ASAP1: variants seen among roughly 807,000 people sequenced by gnomAD.
ASAP1 encodes ArfGAP with SH3 domain, ankyrin repeat and PH domain 1, also known as arf-GAP with SH3 domain, ANK repeat and PH domain-containing protein 1.
ASAP1 carries 43 observed loss-of-function variants against 145.2 expected under a neutral mutation model. The observed-to-expected ratio is 0.30, with a 90% confidence interval of 0.23 to 0.38. ASAP1 has a LOEUF of 0.38. ASAP1 is among the 10% of genes least tolerant of loss of function. ASAP1 has a pLI of 1.00. For missense variants in ASAP1, 1,018 were observed against 1,355.3 expected, an observed-to-expected ratio of 0.75 and a Z score of 3.91; for synonymous variants, 546 against 515.5, an observed-to-expected ratio of 1.06 and a Z score of -0.80.
chr8:130,326,087 C>CAG (rs1824307996), intron 3 of ASAP1, among the ~76,000 whole-genome samples: 1 of 152,176 alleles, frequency 6.6e-6, no homozygotes, highest in African/African-American at 2.4e-5. Context: ...TCCTTAACCA[C>CAG]CGTCTATAGT....
intron 2 of ASAP1, among the ~76,000 whole-genome samples, chr8:130,396,316 C>A (rs1828527633): frequency 6.6e-6 from 1 of 152,142 alleles, no homozygotes; most frequent in Non-Finnish European, 1.5e-5. Flanking sequence ...TGTATTTCCC[C>A]AGGTTTGAGT....
chr8:130,107,694 C>T (rs750015054), intron 24 of ASAP1, among the ~76,000 whole-genome samples: 5 of 151,912 alleles, frequency 3.3e-5, no homozygotes, highest in East Asian at 1.9e-4. Context: ...ATTACAGGCA[C>T]GGGCCACCAA....
rs199774290 is a variant in ASAP1, at chr8:130,140,890, T to C, written c.1081-3852A>G. Among the ~76,000 whole-genome samples, 3 of 152,338 alleles carry C rather than the reference T, an allele frequency of 2.0e-5. No homozygotes were observed. In the East Asian group the frequency reaches 5.8e-4, roughly 29 times the overall value. ...CCACGAATACCAGAGGGGAGTGGTA[T>C]GTTCCACAGAAGTCCAAAAACCAAG... On this transcript the variant is annotated intron_variant, in intron 13 of 29. Transcript: ENST00000518721.
chr8:130,434,153 T>TA lies in ASAP1; in HGVS notation c.-28+9306dup. Among the ~76,000 whole-genome samples the TA allele has an allele frequency of 2.0e-5, 3 of 152,212 alleles. 1 individual carries two copies. The East Asian group carries it at 5.8e-4, about 29-fold the overall frequency. ...CAACACAGCAAAACCCCATCTCTAC[T>TA]AAAAATACAAAAATTAACTGTGCCT... On this transcript the variant is annotated intron_variant, in intron 1 of 29. Coordinates refer to ENST00000518721, the MANE Select transcript of ASAP1 (RefSeq NM_018482.4).
chr8:130,179,396 C>T, intron 8 of ASAP1, 47 bp from the exon 9 acceptor site: 2 of 1,223,656 alleles, frequency 1.6e-6, no homozygotes, highest in Non-Finnish European at 2.4e-6. Flanking sequence ...CCAGATGGGG[C>T]TCTTCAGCCA....
chr8:130,303,589 A>G (rs1035059682), intron 3 of ASAP1, among the ~76,000 whole-genome samples: 1 of 152,180 alleles, frequency 6.6e-6, no homozygotes, highest in African/African-American at 2.4e-5. Flanking sequence ...ATTATATAAA[A>G]AGAAATGACC....
At chr8:130,391,137 G>C (rs1828266128) in intron 2 of ASAP1, among the ~76,000 whole-genome samples, 1 of 151,482 alleles carries the variant, frequency 6.6e-6, no homozygotes, top group Admixed American at 6.6e-5. Context: ...GGTATAATAA[G>C]GATGAACCTT....
Position 130,354,180 on chromosome 8 carries a change from G to A in ASAP1, c.186+3837C>T, listed in dbSNP as rs139121819. 3.3e-3 allele frequency among the ~76,000 whole-genome samples: 506 copies of A among 152,148 alleles called. 1 individual carries two copies. Among genetic ancestry groups the A allele is most frequent in the Non-Finnish European group, 5.6e-3 (382 of 67,990 alleles). On this transcript the variant is annotated intron_variant, in intron 3 of 29. Transcript: ENST00000518721. ...GCTGGGATTACAGGCCTGAGCCACCGCGCCCAGCCGGGAGGGAGATTTTTA... is the reference window on the plus strand; with the variant it reads ...GCTGGGATTACAGGCCTGAGCCACCACGCCCAGCCGGGAGGGAGATTTTTA...
intron 24 of ASAP1, among the ~76,000 whole-genome samples, chr8:130,106,290 G>C (rs758053728): frequency 2.5e-4 from 38 of 152,132 alleles, no homozygotes; most frequent in Non-Finnish European, 4.9e-4. Flanking sequence ...CTTCCCATGA[G>C]ATAAAAAACC....
chr8:130,419,371 G>A (rs1056899010), intron 1 of ASAP1, among the ~76,000 whole-genome samples: 4 of 152,178 alleles, frequency 2.6e-5, no homozygotes, highest in African/African-American at 9.7e-5. Flanking sequence ...TAAGATATGA[G>A]GCTGGAGGTT....
chr8:130,303,780 G>A (rs1232883926), intron 3 of ASAP1, among the ~76,000 whole-genome samples: 4 of 152,200 alleles, frequency 2.6e-5, no homozygotes, highest in African/African-American at 9.6e-5. Flanking sequence ...GAGGGAAGGA[G>A]AGACGACTAG....
chr8:130,325,112 G>C (rs1417806477), intron 3 of ASAP1, among the ~76,000 whole-genome samples: 1 of 152,180 alleles, frequency 6.6e-6, no homozygotes, highest in Non-Finnish European at 1.5e-5. Context: ...CTGGGGGGCG[G>C]AAGAGAATAG....
rs574586997 is a variant in ASAP1 at position 130,428,635 on chromosome 8, GTCA to G, written c.-28+14822_-28+14824del. Among the ~76,000 whole-genome samples the G allele has an allele frequency of 9.5e-3, 1,142 of 120,224 alleles. 17 individuals carry two copies. Among genetic ancestry groups the G allele is most frequent in the African/African-American group, 0.034 (1,076 of 31,204 alleles). The allele number at this position is 120,224 out of a possible 152,430, so 78.9% of individuals were successfully genotyped here. Reference sequence around the variant, plus strand: ...CATCATCACCACCACCACCACCACTGTCATCATCACCACCATCATCACCATCCC... The same window carrying G: ...CATCATCACCACCACCACCACCACTGTCATCACCACCATCATCACCATCCC... On this transcript the variant is annotated intron_variant, in intron 1 of 29. Transcript: ENST00000518721.
chr8:130,288,721 G>T (rs1467737168), intron 3 of ASAP1, among the ~76,000 whole-genome samples: 1 of 152,182 alleles, frequency 6.6e-6, no homozygotes, highest in African/African-American at 2.4e-5. Context: ...AACCACTGTG[G>T]AAGCACAGGT....
At chr8:130,058,187 C>T (rs1306540410) in intron 28 of ASAP1, 111 bp from the exon 29 acceptor site, 4 of 1,182,652 alleles carry the variant, frequency 3.4e-6, no homozygotes, top group African/African-American at 3.0e-5. Context: ...CTCGCTGAGC[C>T]TTGATTTCCT....
chr8:130,204,088 A>G (rs1816045403), intron 5 of ASAP1, among the ~76,000 whole-genome samples: 3 of 152,178 alleles, frequency 2.0e-5, no homozygotes, highest in African/African-American at 7.2e-5. Context: ...GAACCAGGCC[A>G]CACAGCAGGA....
chr8:130,247,033 G>A (rs1586676242), intron 3 of ASAP1: 1 of 152,170 alleles, frequency 6.6e-6, no homozygotes, highest in Non-Finnish European at 1.5e-5. Flanking sequence ...GTAAAGCCAC[G>A]GCTACAAACA....
rs577430556 is a variant in ASAP1, at chr8:130,119,325, A to T, written c.1608-650T>A. The stretch of plus-strand genomic sequence containing the variant: ...AGCAACTCCCCCAGGCCAGGCATTG[A>T]GCTCCAAAGGGGTGAAGATGAGCTG... On this transcript the variant is annotated intron_variant, in intron 18 of 29. Transcript: ENST00000518721. Among the ~76,000 whole-genome samples the T allele has an allele frequency of 1.4e-4, 22 of 152,316 alleles. No individual in the cohort carries two copies. The South Asian group carries it at 4.6e-3, about 32-fold the overall frequency.
chr8:130,283,844 C>CA (rs1326987301), intron 3 of ASAP1, among the ~76,000 whole-genome samples: 1 of 152,034 alleles, frequency 6.6e-6, no homozygotes, highest in Non-Finnish European at 1.5e-5. Flanking sequence ...ATTGAAAAGC[C>CA]ATGATAATGT....
Sources: allele counts gnomAD v4.1 joint callset (sites outside exome capture counted in the v4.1 genomes callset), GRCh38; gene constraint gnomAD v4.1.1; transcripts MANE v1.5; gene names NCBI Gene and HGNC (gene_info 2026-07-23, HGNC 2026-07-21).